Variants in ERC2 observed in about 807,000 individuals in gnomAD.
ERC2 encodes ERC protein 2.
In ERC2, 42 loss-of-function variants were observed where a neutral mutation model predicts 114.8. That is an observed-to-expected ratio of 0.37 (90% confidence interval 0.29 to 0.47). The LOEUF (loss-of-function observed/expected upper bound fraction) is 0.47, where lower values mean the gene tolerates loss of function less well. ERC2 is among the 20% of genes least tolerant of loss of function. ERC2 has a pLI of 0.99. For synonymous variants in ERC2, 454 were observed against 425.5 expected (o/e 1.07, Z -0.82); for missense variants, 939 against 1,150.7 (o/e 0.82, Z 2.66).
intron 17 of ERC2, among the ~76,000 whole-genome samples, chr3:55,567,921 G>T (rs1363357212): frequency 1.3e-5 from 2 of 152,186 alleles, no homozygotes; most frequent in Non-Finnish European, 2.9e-5. Flanking sequence ...CACTCCTGGT[G>T]ATGGCTTCCC....
chr3:56,430,984 G>A (rs1021867060), intron 2 of ERC2, among the ~76,000 whole-genome samples: 2 of 152,062 alleles, frequency 1.3e-5, no homozygotes. Context: ...TTAAGACCTA[G>A]CTATGCTGCT....
In ERC2 at chr3:56,009,724, C is replaced by T. The variant is rs75713928; in HGVS notation, c.1920+725G>A. Among the ~76,000 whole-genome samples the T allele has an allele frequency of 4.7e-3, 709 of 152,252 alleles. 4 individuals carry two copies. The highest frequency in any genetic ancestry group is 6.0e-3 in the African/African-American group (249 of 41,548). On this transcript the variant is annotated intron_variant, in intron 9 of 17. Transcript: ENST00000288221. Reference sequence around the variant, plus strand: ...ATTACTGCTGCTCATACTTCTCCACCGAACTATCCCCAAGAAAACTGAGAG... The same window carrying T: ...ATTACTGCTGCTCATACTTCTCCACTGAACTATCCCCAAGAAAACTGAGAG...
chr3:56,329,297 C>T (rs550803978), intron 2 of ERC2, among the ~76,000 whole-genome samples: 1 of 152,212 alleles, frequency 6.6e-6, no homozygotes, highest in Admixed American at 6.5e-5. Context: ...GAGAACAGTG[C>T]ACGAAAAGTA....
intron 6 of ERC2, among the ~76,000 whole-genome samples, chr3:56,111,335 A>C (rs1297827387): frequency 4.3e-3 from 490 of 113,540 alleles, no homozygotes; most frequent in Middle Eastern, 5.1e-3. Context: ...CTCTCTCTCA[A>C]TCTCTCTCCC....
At chr3:56,045,032 T>C (rs2075388089) in intron 7 of ERC2, among the ~76,000 whole-genome samples, 1 of 152,188 alleles carries the variant, frequency 6.6e-6, no homozygotes, top group African/African-American at 2.4e-5. Context: ...GCAATAGTTC[T>C]AGTGGATATA....
At position 55,734,818 on chromosome 3, in the gene ERC2, C is replaced by T; in HGVS notation, c.2665G>A (p.Ala889Thr). ...KKKKTQEEVM[A>T]LKREKDRLVH... Reference sequence around the variant, plus strand: ...AGTCGGTCTTTTTCCCGCTTGAGGGCCATGACTTCTTCCTGCGTCTTTTTC... The same window carrying T: ...AGTCGGTCTTTTTCCCGCTTGAGGGTCATGACTTCTTCCTGCGTCTTTTTC... The change falls in exon 15 of 18, where the codon GCC (alanine) becomes ACC (threonine). Residue 889 changes from alanine (A) to threonine (T), a missense_variant. Coordinates refer to ENST00000288221, the MANE Select transcript of ERC2 (RefSeq NM_015576.3). 1 of 1,613,232 alleles carries T rather than the reference C, an allele frequency of 6.2e-7. No homozygotes were observed. Among genetic ancestry groups the T allele is most frequent in the South Asian group, 1.1e-5 (1 of 90,986 alleles).
intron 14 of ERC2, among the ~76,000 whole-genome samples, chr3:55,840,866 G>A (rs1050412651): frequency 2.2e-4 from 33 of 152,160 alleles, no homozygotes; most frequent in Admixed American, 1.7e-3. Context: ...GTACATTGAC[G>A]ATTCCATTTA....
At chr3:55,956,806 T>C (rs985980232) in intron 12 of ERC2, among the ~76,000 whole-genome samples, 2 of 152,258 alleles carry the variant, frequency 1.3e-5, no homozygotes, top group Non-Finnish European at 2.9e-5. Flanking sequence ...TGCAGCAGGA[T>C]GCCCAAGCCC....
chr3:56,106,159 C>T (rs1252715720), intron 6 of ERC2, among the ~76,000 whole-genome samples: 1 of 152,124 alleles, frequency 6.6e-6, no homozygotes, highest in African/African-American at 2.4e-5. Context: ...AGTAGGATCC[C>T]TTTTGCACTG....
At chr3:55,711,890 T>C (rs1029197400) in intron 15 of ERC2, among the ~76,000 whole-genome samples, 3 of 152,226 alleles carry the variant, frequency 2.0e-5, no homozygotes, top group South Asian at 2.1e-4. Flanking sequence ...AAATAGAATA[T>C]ACACATTTTA....
At chr3:56,159,175 C>T (rs2081914393) in intron 4 of ERC2, among the ~76,000 whole-genome samples, 1 of 152,132 alleles carries the variant, frequency 6.6e-6, no homozygotes, top group Admixed American at 6.5e-5. Context: ...TGTAAGTTTC[C>T]TGAGGCCTCC....
intron 17 of ERC2, among the ~76,000 whole-genome samples, chr3:55,539,707 G>A (rs1310133866): frequency 2.6e-5 from 4 of 151,776 alleles, no homozygotes; most frequent in Non-Finnish European, 4.4e-5. Context: ...GATTACAGGC[G>A]TGAGCCACTG....
chr3:55,927,719 C>G (rs773194238), intron 13 of ERC2, among the ~76,000 whole-genome samples: 1 of 151,994 alleles, frequency 6.6e-6, no homozygotes, highest in Non-Finnish European at 1.5e-5. Flanking sequence ...TATTTTTGTA[C>G]CAGTTAACCA....
chr3:56,431,023 C>T (rs1253550009), intron 2 of ERC2, among the ~76,000 whole-genome samples: 2 of 152,148 alleles, frequency 1.3e-5, no homozygotes, highest in Admixed American at 1.3e-4. Flanking sequence ...GGATAAGTTG[C>T]TTATTCTCTC....
chr3:56,247,092 T>C (rs1016551094), intron 3 of ERC2, among the ~76,000 whole-genome samples: 2 of 152,226 alleles, frequency 1.3e-5, no homozygotes, highest in African/African-American at 4.8e-5. Context: ...GTGTGGACAC[T>C]TTAAAAAGTA....
intron 2 of ERC2, among the ~76,000 whole-genome samples, chr3:56,315,889 A>G (rs989774460): frequency 6.6e-6 from 1 of 152,162 alleles, no homozygotes; most frequent in Non-Finnish European, 1.5e-5. Flanking sequence ...AAAGTATCTA[A>G]CAGTACAGAT....
chr3:56,297,188 A>C (rs1463023709), intron 2 of ERC2, among the ~76,000 whole-genome samples: 1 of 152,162 alleles, frequency 6.6e-6, no homozygotes, highest in East Asian at 1.9e-4. Context: ...GATATTTAAC[A>C]GAAAGAACTT....
intron 14 of ERC2, among the ~76,000 whole-genome samples, chr3:55,785,739 A>G (rs918788129): frequency 3.3e-5 from 5 of 152,204 alleles, no homozygotes; most frequent in Non-Finnish European, 5.9e-5. Flanking sequence ...AGATCTATAC[A>G]AAGCCAGCTC....
At chr3:56,443,296 A>G (rs990222086) in intron 1 of ERC2, among the ~76,000 whole-genome samples, 1 of 152,234 alleles carries the variant, frequency 6.6e-6, no homozygotes, top group Non-Finnish European at 1.5e-5. Context: ...CAGACCATCA[A>G]AATGGTAAAA....
Sources: gnomAD v4.1 joint callset for allele counts (sites outside exome capture counted in the v4.1 genomes callset) on GRCh38, gnomAD v4.1.1 for gene constraint, MANE v1.5 for transcripts, NCBI Gene and HGNC (gene_info 2026-07-23, HGNC 2026-07-21) for gene names.